Variants in ENAH observed in about 807,000 individuals in gnomAD.
The protein encoded by ENAH is ENAH actin regulator, also known as protein enabled homolog.
In ENAH, 23 loss-of-function variants were observed where a neutral mutation model predicts 78.7. The ratio of observed to expected loss-of-function variants is 0.29; its 90% CI spans 0.21 to 0.41. The LOEUF (loss-of-function observed/expected upper bound fraction) is 0.41, where lower values mean the gene tolerates loss of function less well. Among genes scored for constraint, ENAH ranks in the 10% least tolerant of loss-of-function variants. The pLI is 1.00. For missense variants in ENAH, 544 were observed against 691.0 expected (o/e 0.79, Z 2.39); for synonymous variants, 226 against 241.0 (o/e 0.94, Z 0.58).
chr1:225,584,095 G>A (rs1437586915), intron 1 of ENAH, among the ~76,000 whole-genome samples: 9 of 152,226 alleles, frequency 5.9e-5, no homozygotes, highest in Non-Finnish European at 5.9e-5. Context: ...GGAGGTTGCA[G>A]TGAGCCAAGA....
chr1:225,630,459 G>C (rs939594438), intron 1 of ENAH, among the ~76,000 whole-genome samples: 1 of 152,096 alleles, frequency 6.6e-6, no homozygotes, highest in Admixed American at 6.6e-5. Context: ...AAGATTAAAC[G>C]AATTAAAGGA....
chr1:225,601,387 G>C (rs552974546), intron 1 of ENAH, among the ~76,000 whole-genome samples: 1 of 151,940 alleles, frequency 6.6e-6, no homozygotes, highest in Non-Finnish European at 1.5e-5. Flanking sequence ...GTGTGGTGGC[G>C]GACGCATGTA....
At chr1:225,627,320 CTCAGGA>C (rs1558931169) in intron 1 of ENAH, among the ~76,000 whole-genome samples, 3 of 152,056 alleles carry the variant, frequency 2.0e-5, no homozygotes, top group Non-Finnish European at 4.4e-5. Context: ...TTATCTAGGG[CTCAGGA>C]GCAAGAGCCA....
At chr1:225,530,911 A>T (rs1432959583) in intron 3 of ENAH, 1 of 418,808 alleles carries the variant, frequency 2.4e-6, no homozygotes, top group African/African-American at 2.0e-5. Flanking sequence ...CTTGAGTAAA[A>T]CAAGTGTTCG....
At chr1:225,631,559 G>T (rs907283366) in intron 1 of ENAH, among the ~76,000 whole-genome samples, 2 of 135,006 alleles carry the variant, frequency 1.5e-5, no homozygotes, top group Non-Finnish European at 3.0e-5. Flanking sequence ...GAGTGACAGA[G>T]CAAGACACCA....
chr1:225,553,835 T>C (rs1558803337), intron 3 of ENAH, among the ~76,000 whole-genome samples: 2 of 152,232 alleles, frequency 1.3e-5, no homozygotes, highest in African/African-American at 2.4e-5. Context: ...GTATAAGTTA[T>C]GTATTGATAT....
At chr1:225,518,532 C>T (rs1298786033) in intron 5 of ENAH, among the ~76,000 whole-genome samples, 1 of 152,128 alleles carries the variant, frequency 6.6e-6, no homozygotes, top group Non-Finnish European at 1.5e-5. Context: ...AATAAACCAA[C>T]CAACCAACCA....
intron 1 of ENAH, among the ~76,000 whole-genome samples, chr1:225,625,216 CAAGAT>C (rs751330503): frequency 5.3e-5 from 8 of 152,120 alleles, no homozygotes; most frequent in Non-Finnish European, 8.8e-5. Flanking sequence ...TCATTTAAAA[CAAGAT>C]AAAGTAAATA....
intron 4 of ENAH, among the ~76,000 whole-genome samples, chr1:225,526,357 T>G: frequency 6.6e-6 from 1 of 151,848 alleles, no homozygotes; most frequent in East Asian, 1.9e-4. Context: ...TTTTTTCTTT[T>G]GAGACAGAAT....
rs1226059203 is a variant in ENAH at position 225,606,460 on chromosome 1, C to CA, written c.6-39047dup. ...GGCAACACAGAGCAAGACTCCATCT[C>CA]AAAAAAAAAAAAAAAGGAATTACCA... On this transcript the variant is annotated intron_variant, in intron 1 of 13. Coordinates refer to ENST00000366843, the MANE Select transcript of ENAH (RefSeq NM_018212.6). Among the ~76,000 whole-genome samples, 499 of 94,666 alleles carry CA rather than the reference C, an allele frequency of 5.3e-3. 1 individual carries two copies. The highest frequency in any genetic ancestry group is 0.032 in the East Asian group (108 of 3,328). The allele number at this position is 94,666 out of a possible 152,430, so 62.1% of individuals were successfully genotyped here.
At chr1:225,517,647 C>T in intron 5 of ENAH, 1 of 1,550,516 alleles carries the variant, frequency 6.4e-7, no homozygotes, top group Non-Finnish European at 8.7e-7. Context: ...TGGAAGTAGA[C>T]CAGGCACAGG....
chr1:225,519,840 AAATG>A (rs2096453839), intron 4 of ENAH, among the ~76,000 whole-genome samples: 1 of 152,258 alleles, frequency 6.6e-6, no homozygotes, highest in Non-Finnish European at 1.5e-5. Flanking sequence ...TGTTGCAAGT[AAATG>A]AATTTTCCAA....
chr1:225,521,357 C>T (rs1163565145), intron 4 of ENAH, among the ~76,000 whole-genome samples: 3 of 151,776 alleles, frequency 2.0e-5, no homozygotes, highest in Non-Finnish European at 4.4e-5. Context: ...ATTAACCTTC[C>T]CTAAAAAAAA....
At chr1:225,515,723 C>T (rs2096412151) in intron 6 of ENAH, among the ~76,000 whole-genome samples, 1 of 152,146 alleles carries the variant, frequency 6.6e-6, no homozygotes, top group African/African-American at 2.4e-5. Flanking sequence ...TGCTATTTTG[C>T]ACACTGGGTG....
chr1:225,600,567 G>A (rs2096925591), intron 1 of ENAH, among the ~76,000 whole-genome samples: 1 of 152,090 alleles, frequency 6.6e-6, no homozygotes, highest in African/African-American at 2.4e-5. Context: ...TCCTTCTTAA[G>A]TTAGAGAAGG....
chr1:225,616,973 C>A (rs570643625), intron 1 of ENAH, among the ~76,000 whole-genome samples: 4 of 152,170 alleles, frequency 2.6e-5, no homozygotes, highest in African/African-American at 9.6e-5. Flanking sequence ...GTGGCAGGCA[C>A]CTGTAATCCC....
intron 3 of ENAH, among the ~76,000 whole-genome samples, chr1:225,548,560 C>A (rs2096626347): frequency 6.6e-6 from 1 of 152,204 alleles, no homozygotes; most frequent in South Asian, 2.1e-4. Context: ...GAAGGCCAGA[C>A]AAACGCAGTA....
At chr1:225,505,957 T>C (rs1403902599) in intron 11 of ENAH, among the ~76,000 whole-genome samples, 1 of 152,142 alleles carries the variant, frequency 6.6e-6, no homozygotes, top group African/African-American at 2.4e-5. Context: ...TGGTGACCTT[T>C]AGAGCACTTA....
intron 1 of ENAH, among the ~76,000 whole-genome samples, chr1:225,650,022 A>G: frequency 6.6e-6 from 1 of 152,238 alleles, no homozygotes; most frequent in Admixed American, 6.5e-5. Context: ...AAGACTAAGC[A>G]TATATTAATA....
Sources: allele counts gnomAD v4.1 joint callset (sites outside exome capture counted in the v4.1 genomes callset), GRCh38; gene constraint gnomAD v4.1.1; transcripts MANE v1.5; gene names NCBI Gene and HGNC (gene_info 2026-07-23, HGNC 2026-07-21).